Variants in RP1L1 observed in about 807,000 individuals in gnomAD.
The protein encoded by RP1L1 is retinitis pigmentosa 1-like 1 protein.
In RP1L1, 27 loss-of-function variants were observed where a neutral mutation model predicts 15.7. That is an observed-to-expected ratio of 1.72 (90% CI 1.27 to 2.38). The LOEUF is 2.38. Ranked by LOEUF, RP1L1 falls within the 30% of genes most tolerant of loss-of-function variation. The pLI is 0.00. For missense variants in RP1L1, 4,798 were observed against 3,075.9 expected, an observed-to-expected ratio of 1.56 and a Z score of -13.24; for synonymous variants, 1,813 against 1,276.7, an observed-to-expected ratio of 1.42 and a Z score of -8.96.
intron 1 of RP1L1, among the ~76,000 whole-genome samples, chr8:10,638,808 C>A (rs1248890050): frequency 6.6e-6 from 1 of 152,162 alleles, no homozygotes; most frequent in African/African-American, 2.4e-5. Flanking sequence ...GAAGCTGCAG[C>A]TGGGCAGTGG....
chr8:10,650,458 G>A (rs966668256), intron 1 of RP1L1, among the ~76,000 whole-genome samples: 2 of 152,126 alleles, frequency 1.3e-5, no homozygotes, highest in Non-Finnish European at 2.9e-5. Context: ...ATAATGAGCT[G>A]TCACGTGACC....
rs189271248 is a variant in RP1L1, at chr8:10,629,722, G to A, written c.-19-6502C>T. Among the ~76,000 whole-genome samples the A allele has an allele frequency of 2.2e-4, 34 of 152,226 alleles. No homozygotes were observed. The East Asian group carries it at 5.8e-3, about 26-fold the overall frequency. ...TGGCCACTCCCACGCTGGCATGGGG[G>A]CTCCATGGTGCCACCCATGTCCCCA... On this transcript the variant is annotated intron_variant, in intron 1 of 3. Coordinates refer to ENST00000382483, the MANE Select transcript of RP1L1 (RefSeq NM_178857.6).
At position 10,609,947 on chromosome 8, in the gene RP1L1, C is replaced by T. The variant is rs1797798933; in HGVS notation, c.4151G>A (p.Gly1384Glu). 7.8e-7 allele frequency: 1 copy of T among 1,275,360 alleles called. No homozygotes were observed. The highest frequency in any genetic ancestry group is 1.5e-5 in the African/African-American group (1 of 64,746). 79.0% of individuals were successfully genotyped at this position (1,275,360 alleles called of 1,614,324 possible). ...LEEVKEGPEG[G>E]LQGEALEEGL... ...CTCTTCAAGAGCCTCTCCTTGCAGT[C>T]CTCCTTCTGGCCCTTCTTTAACTTC... Residue 1384 changes from glycine to glutamate, a missense_variant, in exon 4 of 4, where the codon GGA becomes GAA. By Grantham distance (98) the Gly-to-Glu change is moderately conservative. Transcript: ENST00000382483.
Position 10,642,732 on chromosome 8 carries a change from T to G in RP1L1, c.-20+12166A>C, listed in dbSNP as rs117949045. On this transcript the variant is annotated intron_variant, in intron 1 of 3. Coordinates refer to ENST00000382483, the MANE Select transcript of RP1L1 (RefSeq NM_178857.6). ...CCACTCCTTACAGAGCAAAGGAAAT[T>G]TGTTGGCCTGGGTTTTGGTTGTGGT... 3.2e-3 allele frequency among the ~76,000 whole-genome samples: 488 copies of G among 152,294 alleles called. 4 individuals carry two copies. The East Asian group carries it at 0.038, about 12-fold the overall frequency.
Position 10,612,623 on chromosome 8 carries a change from T to A in RP1L1, c.1475A>T (p.Glu492Val). 5 of 1,601,626 alleles carry A rather than the reference T, an allele frequency of 3.1e-6. No homozygotes were observed. The highest frequency in any genetic ancestry group is 4.2e-6 in the Non-Finnish European group (5 of 1,179,222). ...ACCCAGGCTCCCTCCAGCTTTCCGCTCAGCCCCTATCTGGGCAGAGGGGCT... is the reference window on the plus strand; with the variant it reads ...ACCCAGGCTCCCTCCAGCTTTCCGCACAGCCCCTATCTGGGCAGAGGGGCT... ...SASPSAQIGA[E>V]RKAGGSLGED... Residue 492 changes from glutamate (E) to valine (V), a missense_variant, in exon 4 of 4, where the codon GAG (glutamate) becomes GTG (valine). Glu to Val is a moderately radical substitution (Grantham distance 121, BLOSUM62 -2). Transcript: ENST00000382483.
At chr8:10,648,454 C>G (rs1350790844) in intron 1 of RP1L1, among the ~76,000 whole-genome samples, 3 of 152,028 alleles carry the variant, frequency 2.0e-5, no homozygotes, top group Non-Finnish European at 2.9e-5. Context: ...ATAAAGTGTC[C>G]TAGGCAAGTC....
At position 10,608,031 on chromosome 8, in the gene RP1L1, C is replaced by A; in HGVS notation, c.6067G>T (p.Val2023Leu). 2.5e-6 allele frequency: 4 copies of A among 1,612,348 alleles called. No individual in the cohort carries two copies. Among genetic ancestry groups the A allele is most frequent in the Middle Eastern group, 3.3e-4 (2 of 6,046 alleles). Residue 2023 changes from valine (V) to leucine (L), a missense_variant, in exon 4 of 4, where the codon GTA becomes TTA. Transcript: ENST00000382483. ...CCTTCTGACTTTGGCTGGGCCTCTACACCGTCTGACTCTGGCTGGGCCTCC... is the reference window on the plus strand; with the variant it reads ...CCTTCTGACTTTGGCTGGGCCTCTAAACCGTCTGACTCTGGCTGGGCCTCC... ...EEEAQPESDG[V>L]EAQPKSEGEE...
chr8:10,648,346 T>G lies in RP1L1; in HGVS notation c.-20+6552A>C, dbSNP rs115003616. Among the ~76,000 whole-genome samples the G allele has an allele frequency of 8.9e-3, 1,355 of 152,178 alleles. 12 individuals are homozygous for G. The highest frequency in any genetic ancestry group is 0.03 in the African/African-American group (1,257 of 41,528). On this transcript the variant is annotated intron_variant, in intron 1 of 3. Coordinates refer to ENST00000382483, the MANE Select transcript of RP1L1 (RefSeq NM_178857.6). ...CGCACCTGGCCAATTTTCTGGGTTTTTTTGTTTGTTTGTTTGTTTTTTTAA... is the reference window on the plus strand; with the variant it reads ...CGCACCTGGCCAATTTTCTGGGTTTGTTTGTTTGTTTGTTTGTTTTTTTAA...
At chr8:10,647,314 G>C (rs1325628409) in intron 1 of RP1L1, among the ~76,000 whole-genome samples, 1 of 152,194 alleles carries the variant, frequency 6.6e-6, no homozygotes, top group African/African-American at 2.4e-5. Context: ...TCTACTGTTT[G>C]TGTTTTTATT....
In RP1L1 at chr8:10,609,452, T is replaced by A. The variant is rs765628828; in HGVS notation, c.4646A>T (p.Asp1549Val). The A allele has an allele frequency of 1.9e-6, 3 of 1,612,468 alleles. No homozygotes were observed. The South Asian group carries it at 3.3e-5, about 18-fold the overall frequency. The change falls in exon 4 of 4, where the codon GAC becomes GTC. Residue 1549 changes from aspartate (D) to valine (V), a missense_variant. Asp to Val is a radical substitution (Grantham distance 152, BLOSUM62 -3). Transcript: ENST00000382483. ...CGCCATCTGGTCCAGCAGATCATTG[T>A]CCTGCAGGCCCCAGCGTGCTCGGAG... Reference protein sequence around the residue: ...AELRARWGLQDNDLLDQMAAE... With the variant: ...AELRARWGLQVNDLLDQMAAE...
intron 1 of RP1L1, among the ~76,000 whole-genome samples, chr8:10,651,068 A>C (rs961786380): frequency 6.6e-6 from 1 of 152,196 alleles, no homozygotes; most frequent in Non-Finnish European, 1.5e-5. Flanking sequence ...CTTGAGATCT[A>C]GTCTGTAAGG....
chr8:10,641,857 A>G (rs1025803024), intron 1 of RP1L1, among the ~76,000 whole-genome samples: 1 of 152,242 alleles, frequency 6.6e-6, no homozygotes, highest in South Asian at 2.1e-4. Context: ...ACACACAAAA[A>G]ATTGAACCCA....
rs368535927 is a variant in RP1L1, at chr8:10,609,486, C to T, written c.4612G>A (p.Val1538Met). 14 of 1,611,480 alleles carry T rather than the reference C, an allele frequency of 8.7e-6. No individual in the cohort carries two copies. Among genetic ancestry groups the T allele is most frequent in the African/African-American group, 1.3e-5 (1 of 74,924 alleles). ...KAFLAHLASA[V>M]AELRARWGLQ... ...CCCCAGCGTGCTCGGAGCTCAGCCA[C>T]CGCACTGGCAAGGTGGGCCAGGAAG... Residue 1538 changes from valine to methionine, a missense_variant, in exon 4 of 4, where the codon GTG becomes ATG. By Grantham distance (21) the Val-to-Met change is conservative (BLOSUM62 1). Transcript: ENST00000382483.
chr8:10,635,927 C>T (rs913414434), intron 1 of RP1L1, among the ~76,000 whole-genome samples: 1 of 152,210 alleles, frequency 6.6e-6, no homozygotes. Context: ...CACCAACCCG[C>T]GGACAAAACC....
chr8:10,645,264 C>T (rs963734482), intron 1 of RP1L1, among the ~76,000 whole-genome samples: 3 of 152,144 alleles, frequency 2.0e-5, no homozygotes, highest in African/African-American at 7.2e-5. Context: ...AAGATTGAGG[C>T]TTCAGTGAGC....
chr8:10,610,791 CT>C lies in RP1L1; in HGVS notation c.3306del (p.Val1103CysfsTer37). ...AGCCTCCTGGCCATGGGCCTAGACA[CT>C]TCGGGCACGCTGCTGGGCCGGCCCT... is the stretch of plus-strand genomic sequence containing the variant. ...SKQGRPSSVP[E>X]VSRPMARRLS... On this transcript the variant is annotated frameshift_variant, in exon 4 of 4. Transcript: ENST00000382483. LOFTEE classifies it low-confidence loss of function (END_TRUNC). 1 of 1,611,490 alleles carries C rather than the reference CT, an allele frequency of 6.2e-7. No homozygotes were observed. Among genetic ancestry groups the C allele is most frequent in the South Asian group, 1.1e-5 (1 of 91,062 alleles).
In RP1L1 at chr8:10,611,849, G is replaced by C. The variant is rs752829716; in HGVS notation, c.2249C>G (p.Ser750Cys). ...GGGAGCGTTGTGCGGGGAGACTCCA[G>C]AAACAAAATCCGAGTGGACTGCAGG... ...VTPAVHSDFV[S>C]GVSPHNAPSA... The change falls in exon 4 of 4, where the codon TCT (serine) becomes TGT (cysteine). Residue 750 changes from serine to cysteine, a missense_variant. By Grantham distance (112) the Ser-to-Cys change is moderately radical. Coordinates refer to ENST00000382483, the MANE Select transcript of RP1L1 (RefSeq NM_178857.6). 1.9e-6 allele frequency: 3 copies of C among 1,613,694 alleles called. No homozygotes were observed. The highest frequency in any genetic ancestry group is 2.5e-6 in the Non-Finnish European group (3 of 1,180,034).
intron 3 of RP1L1, among the ~76,000 whole-genome samples, chr8:10,615,625 C>T (rs543056574): frequency 6.6e-6 from 1 of 152,292 alleles, no homozygotes; most frequent in African/African-American, 2.4e-5. Context: ...AACTCCTGGG[C>T]TCAAATCATC....
In RP1L1 at chr8:10,622,137, C is replaced by T. The variant is rs557340534; in HGVS notation, c.609+456G>A. On this transcript the variant is annotated intron_variant, in intron 2 of 3. Coordinates refer to ENST00000382483, the MANE Select transcript of RP1L1 (RefSeq NM_178857.6). ...GGGAGTTCAAGACCAGCCTGACCAA[C>T]ATGGAGAAACCCTGTCTCTACTAAA... is the stretch of plus-strand genomic sequence containing the variant. Among the ~76,000 whole-genome samples the T allele has an allele frequency of 1.3e-4, 20 of 151,964 alleles. No individual in the cohort carries two copies. The East Asian group carries it at 1.9e-3, about 15-fold the overall frequency.
Sources: allele counts gnomAD v4.1 joint callset (sites outside exome capture counted in the v4.1 genomes callset), GRCh38; gene constraint gnomAD v4.1.1; transcripts MANE v1.5; gene names NCBI Gene and HGNC (gene_info 2026-07-23, HGNC 2026-07-21).